GPC5: variants seen among roughly 807,000 people sequenced by gnomAD.
GPC5 encodes glypican 5, also known as glypican-5.
GPC5 carries 47 observed loss-of-function variants against 53.9 expected under a neutral mutation model. The ratio of observed to expected loss-of-function variants is 0.87; its 90% CI spans 0.69 to 1.11. The LOEUF (loss-of-function observed/expected upper bound fraction) is 1.11, where lower values mean the gene tolerates loss of function less well. Ranked by LOEUF, GPC5 falls within the 50% of genes most tolerant of loss-of-function variation. GPC5 has a pLI of 0.00. For missense variants in GPC5, 748 were observed against 713.1 expected (o/e 1.05, Z -0.56); for synonymous variants, 286 against 263.3 (o/e 1.09, Z -0.84).
intron 2 of GPC5, among the ~76,000 whole-genome samples, chr13:91,499,596 C>G (rs1328316122): frequency 1.3e-5 from 2 of 152,170 alleles, no homozygotes; most frequent in Non-Finnish European, 2.9e-5. Context: ...AAAATAACTC[C>G]TGCCTCACTT....
chr13:91,709,264 A>G (rs1332086), intron 3 of GPC5, among the ~76,000 whole-genome samples: 3,197 of 152,274 alleles, frequency 0.021, 101 homozygotes, highest in African/African-American at 0.072. Flanking sequence ...TAAAAGATAA[A>G]ATATATTATG....
At chr13:92,188,450 G>C (rs1329546245) in intron 7 of GPC5, among the ~76,000 whole-genome samples, 1 of 152,106 alleles carries the variant, frequency 6.6e-6, no homozygotes, top group East Asian at 1.9e-4. Context: ...ATAAGAAAAA[G>C]TGAAGATGCC....
chr13:92,724,324 A>G (rs1888579145), intron 7 of GPC5, among the ~76,000 whole-genome samples: 1 of 151,666 alleles, frequency 6.6e-6, no homozygotes. Flanking sequence ...AGGCACATAA[A>G]TGTGTTAATA....
At chr13:91,576,679 T>C (rs922852176) in intron 2 of GPC5, among the ~76,000 whole-genome samples, 1 of 152,120 alleles carries the variant, frequency 6.6e-6, no homozygotes, top group East Asian at 1.9e-4. Context: ...TTCCAGAGCC[T>C]GATGAGAGCT....
At chr13:92,475,785 A>G (rs1468780031) in intron 7 of GPC5, among the ~76,000 whole-genome samples, 3 of 152,182 alleles carry the variant, frequency 2.0e-5, no homozygotes, top group Non-Finnish European at 4.4e-5. Context: ...AAACACAAGC[A>G]ATGGGGAAAG....
intron 7 of GPC5, among the ~76,000 whole-genome samples, chr13:92,302,467 C>T (rs948251456): frequency 2.0e-5 from 3 of 152,008 alleles, no homozygotes; most frequent in African/African-American, 7.2e-5. Context: ...ATGTAGCAGA[C>T]CGAGAATAAA....
chr13:92,675,818 A>G (rs981227063), intron 7 of GPC5, among the ~76,000 whole-genome samples: 2 of 152,222 alleles, frequency 1.3e-5, no homozygotes, highest in South Asian at 4.1e-4. Flanking sequence ...TATGCCATGA[A>G]CAAGCAGGAG....
chr13:92,542,836 G>C (rs1245162617), intron 7 of GPC5, among the ~76,000 whole-genome samples: 1 of 151,930 alleles, frequency 6.6e-6, no homozygotes, highest in Non-Finnish European at 1.5e-5. Context: ...TAAGTTTTCT[G>C]CTAAGGAATC....
At chr13:92,643,783 C>T (rs1397505724) in intron 7 of GPC5, among the ~76,000 whole-genome samples, 3 of 149,558 alleles carry the variant, frequency 2.0e-5, no homozygotes, top group South Asian at 2.1e-4. Flanking sequence ...TGCTAGATGA[C>T]GAGTTAGTGG....
intron 7 of GPC5, among the ~76,000 whole-genome samples, chr13:92,553,117 C>T (rs1229579368): frequency 6.6e-6 from 1 of 151,890 alleles, no homozygotes; most frequent in Non-Finnish European, 1.5e-5. Context: ...ATTGATGTTA[C>T]CATTTTTATT....
intron 7 of GPC5, among the ~76,000 whole-genome samples, chr13:92,391,966 A>G (rs1044243828): frequency 6.6e-5 from 10 of 152,336 alleles, no homozygotes; most frequent in African/African-American, 2.4e-4. Flanking sequence ...ATGACTTCAT[A>G]CAAGGAAAAA....
At chr13:92,666,659 C>T (rs914337873) in intron 7 of GPC5, among the ~76,000 whole-genome samples, 1 of 152,174 alleles carries the variant, frequency 6.6e-6, no homozygotes, top group Non-Finnish European at 1.5e-5. Flanking sequence ...ATTTCCTATG[C>T]TGCAGAGCAC....
At chr13:92,394,224 G>A (rs1875154072) in intron 7 of GPC5, among the ~76,000 whole-genome samples, 1 of 152,156 alleles carries the variant, frequency 6.6e-6, no homozygotes, top group South Asian at 2.1e-4. Flanking sequence ...ATATGCAAAT[G>A]AAAGCCTACT....
chr13:91,467,690 A>T (rs936661003), intron 2 of GPC5, among the ~76,000 whole-genome samples: 1 of 152,146 alleles, frequency 6.6e-6, no homozygotes. Flanking sequence ...ACCATTTTTA[A>T]AAAACAATGC....
At chr13:91,970,521 G>C (rs1032994802) in intron 6 of GPC5, among the ~76,000 whole-genome samples, 1 of 151,812 alleles carries the variant, frequency 6.6e-6, no homozygotes, top group East Asian at 1.9e-4. Context: ...TCATTTCACA[G>C]TATATACATC....
intron 7 of GPC5, among the ~76,000 whole-genome samples, chr13:92,478,605 G>A (rs1346592209): frequency 6.6e-6 from 1 of 152,138 alleles, no homozygotes; most frequent in Non-Finnish European, 1.5e-5. Context: ...TGGGGAATAT[G>A]TAAATCTATA....
chr13:91,923,408 T>C (rs2139020350), intron 6 of GPC5, among the ~76,000 whole-genome samples: 1 of 152,282 alleles, frequency 6.6e-6, no homozygotes, highest in South Asian at 2.1e-4. Flanking sequence ...TAATGCACCT[T>C]GAAAGCAGGC....
intron 5 of GPC5, among the ~76,000 whole-genome samples, chr13:91,785,823 G>A (rs2037868582): frequency 6.6e-6 from 1 of 152,094 alleles, no homozygotes; most frequent in Non-Finnish European, 1.5e-5. Context: ...CTTTCACCCT[G>A]ATGTGATACA....
chr13:92,182,481 G>T (rs2042153636), intron 7 of GPC5, among the ~76,000 whole-genome samples: 2 of 152,202 alleles, frequency 1.3e-5, no homozygotes, highest in Non-Finnish European at 2.9e-5. Flanking sequence ...TAAGACATCT[G>T]ATGGGTATAA....
Sources: gnomAD v4.1 joint callset for allele counts (sites outside exome capture counted in the v4.1 genomes callset) on GRCh38, gnomAD v4.1.1 for gene constraint, MANE v1.5 for transcripts, NCBI Gene and HGNC (gene_info 2026-07-23, HGNC 2026-07-21) for gene names.